Variants in VPS54 observed in about 807,000 individuals in gnomAD.
VPS54 encodes VPS54 subunit of GARP complex.
A neutral mutation model predicts 121.5 loss-of-function variants in VPS54; 45 were observed. That is an observed-to-expected ratio of 0.37 (90% CI 0.29 to 0.47). VPS54 has a LOEUF of 0.47. Among genes scored for constraint, VPS54 ranks in the 20% least tolerant of loss-of-function variants. VPS54 has a pLI of 0.99. For missense variants in VPS54, 1,090 were observed against 1,131.4 expected (o/e 0.96, Z 0.52); for synonymous variants, 371 against 385.8 (o/e 0.96, Z 0.45).
At chr2:63,956,312 A>T (rs775520088) in intron 7 of VPS54, among the ~76,000 whole-genome samples, 12 of 152,182 alleles carry the variant, frequency 7.9e-5, no homozygotes, top group Non-Finnish European at 1.3e-4. Flanking sequence ...ATGGAATCTC[A>T]CAGTGGCCAC....
At chr2:64,010,956 A>C (rs190771479) in intron 1 of VPS54, among the ~76,000 whole-genome samples, 6 of 152,326 alleles carry the variant, frequency 3.9e-5, no homozygotes, top group Admixed American at 3.9e-4. Flanking sequence ...GGCATTTATG[A>C]AACCCTGTGC....
chr2:63,986,660 G>A (rs1677067879), intron 1 of VPS54, among the ~76,000 whole-genome samples: 2 of 152,056 alleles, frequency 1.3e-5, no homozygotes, highest in Admixed American at 1.3e-4. Flanking sequence ...GTTTTTCGAG[G>A]GACCTCCAAA....
chr2:63,954,517 T>C (rs1675402962), intron 7 of VPS54, among the ~76,000 whole-genome samples: 1 of 152,040 alleles, frequency 6.6e-6, no homozygotes, highest in Admixed American at 6.6e-5. Flanking sequence ...AAATAATTGT[T>C]ATAGGGAAAC....
At chr2:63,998,363 C>A (rs1432781207) in intron 1 of VPS54, among the ~76,000 whole-genome samples, 1 of 152,106 alleles carries the variant, frequency 6.6e-6, no homozygotes, top group Non-Finnish European at 1.5e-5. Flanking sequence ...ATCCATGCAG[C>A]CTCTTTATGT....
intron 1 of VPS54, among the ~76,000 whole-genome samples, chr2:64,008,826 A>G: frequency 6.6e-6 from 1 of 152,262 alleles, no homozygotes; most frequent in Middle Eastern, 3.2e-3. Context: ...ATCATCACTA[A>G]TATCTGACTA....
chr2:64,011,360 T>C (rs530665609), intron 1 of VPS54, among the ~76,000 whole-genome samples: 1 of 151,942 alleles, frequency 6.6e-6, no homozygotes, highest in South Asian at 2.1e-4. Flanking sequence ...AAGGACAGGA[T>C]ATCCAGACCA....
intron 12 of VPS54, among the ~76,000 whole-genome samples, chr2:63,932,475 G>A (rs921851659): frequency 6.6e-6 from 1 of 152,136 alleles, no homozygotes; most frequent in African/African-American, 2.4e-5. Flanking sequence ...CGTGGACACA[G>A]GGAGGGGAAC....
intron 1 of VPS54, among the ~76,000 whole-genome samples, chr2:63,984,816 TTA>T (rs1410871796): frequency 6.6e-6 from 1 of 152,170 alleles, no homozygotes; most frequent in Non-Finnish European, 1.5e-5. Context: ...AGGTAAGACT[TTA>T]TAAATGAAGC....
chr2:63,972,543 G>A (rs570319183), intron 3 of VPS54, among the ~76,000 whole-genome samples: 2 of 152,246 alleles, frequency 1.3e-5, no homozygotes, highest in African/African-American at 4.8e-5. Flanking sequence ...TGAATTAGGA[G>A]AATAATTTGA....
intron 1 of VPS54, among the ~76,000 whole-genome samples, chr2:64,005,297 G>T (rs1475903655): frequency 6.7e-6 from 1 of 150,068 alleles, no homozygotes; most frequent in African/African-American, 2.5e-5. Context: ...TAGAGACGGG[G>T]TTTCACCGTG....
chr2:63,960,048 T>C (rs953243835), intron 7 of VPS54, among the ~76,000 whole-genome samples: 10 of 151,450 alleles, frequency 6.6e-5, no homozygotes, highest in Non-Finnish European at 1.3e-4. Flanking sequence ...TAAATAAAAA[T>C]TAGCTGGGCA....
intron 6 of VPS54, 54 bp from the exon 7 acceptor site, chr2:63,962,497 T>C: frequency 6.6e-7 from 1 of 1,512,380 alleles, no homozygotes; most frequent in Non-Finnish European, 8.8e-7. Flanking sequence ...CTTCCTTGAT[T>C]ATCCAAATAC....
intron 1 of VPS54, among the ~76,000 whole-genome samples, chr2:63,996,982 T>A (rs570855174): frequency 6.6e-6 from 1 of 152,304 alleles, no homozygotes; most frequent in South Asian, 2.1e-4. Flanking sequence ...GTTTTATGGC[T>A]CGGGGGCATC....
At chr2:63,983,139 A>C (rs1676874880) in intron 2 of VPS54, among the ~76,000 whole-genome samples, 2 of 150,768 alleles carry the variant, frequency 1.3e-5, no homozygotes, top group Non-Finnish European at 3.0e-5. Flanking sequence ...CAATTTCCCA[A>C]TCATTTCCAA....
chr2:63,936,024 T>A (rs1435838723), intron 11 of VPS54, among the ~76,000 whole-genome samples: 2 of 152,142 alleles, frequency 1.3e-5, no homozygotes, highest in East Asian at 3.8e-4. Flanking sequence ...AAAGCTGAAT[T>A]GGAAACAGAG....
chr2:63,944,570 A>T (rs1674889848), intron 10 of VPS54, 30 bp downstream of exon 10: 1 of 1,574,212 alleles, frequency 6.4e-7, no homozygotes, highest in Non-Finnish European at 8.7e-7. Flanking sequence ...TCTCTGACTG[A>T]TAACCACCAA....
At chr2:64,000,980 G>A (rs897001121) in intron 1 of VPS54, among the ~76,000 whole-genome samples, 3 of 152,302 alleles carry the variant, frequency 2.0e-5, no homozygotes, top group East Asian at 3.9e-4. Flanking sequence ...GTGCCCCCAA[G>A]TCCTCATGTA....
chr2:63,940,705 A>T (rs1000874613), intron 11 of VPS54, among the ~76,000 whole-genome samples: 5 of 151,994 alleles, frequency 3.3e-5, no homozygotes, highest in African/African-American at 1.2e-4. Context: ...CCTATCCATA[A>T]CATTGAAGAC....
intron 11 of VPS54, among the ~76,000 whole-genome samples, chr2:63,937,639 G>A (rs1464615595): frequency 1.3e-5 from 2 of 152,104 alleles, no homozygotes; most frequent in African/African-American, 4.8e-5. Flanking sequence ...TTCCAATTCT[G>A]GGGTTGACAA....
Sources: gnomAD v4.1 joint callset for allele counts (sites outside exome capture counted in the v4.1 genomes callset) on GRCh38, gnomAD v4.1.1 for gene constraint, MANE v1.5 for transcripts, NCBI Gene and HGNC (gene_info 2026-07-23, HGNC 2026-07-21) for gene names.